ABCC9: variants seen among roughly 807,000 people sequenced by gnomAD.
ABCC9 encodes ATP-binding cassette sub-family C member 9.
A neutral mutation model predicts 188.3 loss-of-function variants in ABCC9; 95 were observed. The observed-to-expected ratio is 0.50, with a 90% CI of 0.43 to 0.60. The LOEUF (loss-of-function observed/expected upper bound fraction) is 0.60. Ranked by LOEUF, ABCC9 falls within the 20% of genes least tolerant of loss-of-function variation. The pLI is 0.00. For missense variants in ABCC9, 1,102 were observed against 1,876.3 expected (o/e 0.59, Z 7.62); for synonymous variants, 659 against 652.7 (o/e 1.01, Z -0.15).
chr12:21,864,395 A>G (rs1565755190), intron 19 of ABCC9, 44 bp downstream of exon 19: 1 of 1,328,214 alleles, frequency 7.5e-7, no homozygotes, highest in Non-Finnish European at 1.1e-6. Context: ...AGTCTGAGGA[A>G]GGAAGTTATT....
chr12:21,806,703 A>G (rs1941872480), intron 38 of ABCC9, among the ~76,000 whole-genome samples: 1 of 152,136 alleles, frequency 6.6e-6, no homozygotes, highest in African/African-American at 2.4e-5. Flanking sequence ...TTCTGAAGTC[A>G]AATTTTAATA....
At chr12:21,828,055 TTAGTGGAAA>T (rs1218762311) in intron 31 of ABCC9, among the ~76,000 whole-genome samples, 2 of 152,224 alleles carry the variant, frequency 1.3e-5, no homozygotes, top group Non-Finnish European at 2.9e-5. Flanking sequence ...TGAAACGCAA[TTAGTGGAAA>T]TAAGATTCTC....
rs762252170 is a variant in ABCC9, at chr12:21,859,694, AT to A, written c.2425-29del. 7 of 1,564,938 alleles carry A rather than the reference AT, an allele frequency of 4.5e-6. 1 individual carries two copies. Among genetic ancestry groups the A allele is most frequent in the Non-Finnish European group, 6.2e-6 (7 of 1,135,372 alleles). ...AGAGAAGAGACACCCCCAAATACCC[AT>A]TTTTTAATATTAGTAAATGATCTTT... On this transcript the variant is annotated intron_variant, in intron 21 of 39. Transcript: ENST00000261200.
chr12:21,920,295 T>C (rs1948759295), intron 5 of ABCC9, among the ~76,000 whole-genome samples: 1 of 151,870 alleles, frequency 6.6e-6, no homozygotes, highest in South Asian at 2.1e-4. Flanking sequence ...TGAAAGAAAA[T>C]AAGTGTCTCT....
chr12:21,923,317 C>T (rs1366657023), intron 5 of ABCC9: 1 of 150,818 alleles, frequency 6.6e-6, no homozygotes, highest in Non-Finnish European at 1.5e-5. Context: ...AAATCTTCTG[C>T]TCATTAAAAG....
intron 24 of ABCC9, 68 bp downstream of exon 24, chr12:21,852,028 CT>C: frequency 2.5e-6 from 4 of 1,570,168 alleles, no homozygotes; most frequent in Non-Finnish European, 3.5e-6. Context: ...AAAAAGCATT[CT>C]TAGTAATTAG....
chr12:21,869,157 GAT>G (rs1292455833), intron 18 of ABCC9, among the ~76,000 whole-genome samples: 1 of 152,204 alleles, frequency 6.6e-6, no homozygotes, highest in African/African-American at 2.4e-5. Context: ...GCAGCGAAGA[GAT>G]AGCATTGTTG....
intron 21 of ABCC9, among the ~76,000 whole-genome samples, chr12:21,859,955 C>A (rs1017408463): frequency 6.6e-6 from 1 of 152,080 alleles, no homozygotes; most frequent in Non-Finnish European, 1.5e-5. Flanking sequence ...GAAATGCGAG[C>A]AATTCCAAGA....
Position 21,933,028 on chromosome 12 carries a change from T to C in ABCC9, c.284+754A>G, listed in dbSNP as rs566381177. Among the ~76,000 whole-genome samples, 20 of 80,070 alleles carry C rather than the reference T, an allele frequency of 2.5e-4. No individual in the cohort carries two copies. The South Asian group carries it at 7.6e-3, about 30-fold the overall frequency. The allele number at this position is 80,070 out of a possible 152,430, so 52.5% of individuals were successfully genotyped here. On this transcript the variant is annotated intron_variant, in intron 4 of 39. Transcript: ENST00000261200. Reference sequence around the variant, plus strand: ...CTGGATAAAGAAAATGTGGTACATATACACTATGGAATACTATGCAGCCAG... The same window carrying C: ...CTGGATAAAGAAAATGTGGTACATACACACTATGGAATACTATGCAGCCAG...
intron 12 of ABCC9, among the ~76,000 whole-genome samples, chr12:21,896,039 A>T (rs1190439936): frequency 6.6e-6 from 1 of 151,720 alleles, no homozygotes. Context: ...TTTGTAACAG[A>T]GCCAGGCAAC....
intron 31 of ABCC9, among the ~76,000 whole-genome samples, chr12:21,823,344 A>G (rs1004479887): frequency 2.0e-5 from 3 of 152,184 alleles, no homozygotes; most frequent in African/African-American, 4.8e-5. Context: ...AGCCTTGTAA[A>G]TAGTTAATAG....
Position 21,938,716 on chromosome 12 carries a change from G to A in ABCC9, c.-21+1994C>T, listed in dbSNP as rs577851180. Among the ~76,000 whole-genome samples, 10 of 152,210 alleles carry A rather than the reference G, an allele frequency of 6.6e-5. No individual in the cohort carries two copies. In the South Asian group the frequency reaches 1.9e-3, roughly 28 times the overall value. ...ACATTTATAAACTAGTATCATTGAGGTAGATGCTAAAATATAACCTGCTGC... is the reference window on the plus strand; with the variant it reads ...ACATTTATAAACTAGTATCATTGAGATAGATGCTAAAATATAACCTGCTGC... On this transcript the variant is annotated intron_variant, in intron 2 of 39. Transcript: ENST00000261200.
Position 21,844,488 on chromosome 12 carries a change from C to A in ABCC9, c.3310G>T (p.Asp1104Tyr). ...NRFSADTNII[D>Y]QHIPPTLESL... ...GAAGTAACCCAGTTACTCACCTGAT[C>A]AATGATATTAGTATCAGCTGAAAAG... Residue 1104 changes from aspartate (D) to tyrosine (Y), a missense_variant, in exon 28 of 40, where the codon GAT becomes TAT. Physicochemically the swap from Asp to Tyr is radical, Grantham distance 160. This residue lies in a region of ABCC9 where 74 missense variants were observed against 132.7 expected (regional missense o/e 0.56). Coordinates refer to ENST00000261200, the MANE Select transcript of ABCC9 (RefSeq NM_020297.4). 6.2e-7 allele frequency: 1 copy of A among 1,613,010 alleles called. No individual in the cohort carries two copies. The highest frequency in any genetic ancestry group is 1.1e-5 in the South Asian group (1 of 91,062).
At chr12:21,802,501 A>G (rs951437597) in intron 39 of ABCC9, among the ~76,000 whole-genome samples, 1 of 152,244 alleles carries the variant, frequency 6.6e-6, no homozygotes, top group Non-Finnish European at 1.5e-5. Context: ...TTCAGATGTT[A>G]TCATTTCAAT....
intron 38 of ABCC9, among the ~76,000 whole-genome samples, chr12:21,806,793 C>G (rs566439370): frequency 1.4e-4 from 22 of 152,324 alleles, no homozygotes; most frequent in African/African-American, 4.8e-4. Flanking sequence ...CCTACTCAAT[C>G]ACAGCCTTCT....
At chr12:21,815,938 G>A (rs747913140) in intron 33 of ABCC9, 45 bp from the exon 34 acceptor site, 2 of 1,489,658 alleles carry the variant, frequency 1.3e-6, no homozygotes, top group East Asian at 5.1e-5. Context: ...GGCAGATAGA[G>A]ATTGATGTAG....
intron 24 of ABCC9, among the ~76,000 whole-genome samples, chr12:21,851,185 G>A (rs1944946591): frequency 6.6e-6 from 1 of 151,912 alleles, no homozygotes; most frequent in South Asian, 2.1e-4. Context: ...ACCAAGTGCT[G>A]GACACTTTGT....
chr12:21,864,738 A>G (rs1455707836), intron 18 of ABCC9, among the ~76,000 whole-genome samples: 1 of 152,176 alleles, frequency 6.6e-6, no homozygotes, highest in Non-Finnish European at 1.5e-5. Context: ...GGTTCATACA[A>G]TGACTGGGTT....
intron 36 of ABCC9, among the ~76,000 whole-genome samples, chr12:21,811,582 G>A (rs956308623): frequency 2.6e-5 from 4 of 151,588 alleles, no homozygotes; most frequent in South Asian, 2.1e-4. Context: ...TATCCCCCCC[G>A]CCCTTTTTTT....
Sources: allele counts gnomAD v4.1 joint callset (sites outside exome capture counted in the v4.1 genomes callset), GRCh38; gene constraint gnomAD v4.1.1; regional missense constraint gnomAD v4.1.1; transcripts MANE v1.5; gene names NCBI Gene and HGNC (gene_info 2026-07-23, HGNC 2026-07-21).